The following COX6B1 variants were observed in gnomAD, a reference collection of about 807,000 sequenced individuals.
COX6B1 encodes cytochrome c oxidase subunit 6B1, also known as COX VIb-1.
In COX6B1, 2 loss-of-function variants were observed where a neutral mutation model predicts 14.0. That is an observed-to-expected ratio of 0.14 (90% CI 0.06 to 0.45). COX6B1 has a LOEUF of 0.45. Ranked by LOEUF, COX6B1 falls within the 20% of genes least tolerant of loss-of-function variation. The pLI is 0.98. For missense variants in COX6B1, 81 were observed against 114.2 expected (o/e 0.71, Z 1.33); for synonymous variants, 30 against 39.7 (o/e 0.76, Z 0.92).
intron 1 of COX6B1, among the ~76,000 whole-genome samples, chr19:35,650,995 C>G (rs752195404): frequency 3.3e-5 from 5 of 152,090 alleles, no homozygotes; most frequent in Non-Finnish European, 5.9e-5. Flanking sequence ...AGTGTTAGCT[C>G]ATGTTATTTG....
intron 1 of COX6B1, among the ~76,000 whole-genome samples, chr19:35,650,424 T>C (rs78895616): frequency 0.018 from 2,711 of 152,272 alleles, 69 homozygotes; most frequent in African/African-American, 0.051. Flanking sequence ...CATTTAAACA[T>C]ATTCAGGCCG....
At chr19:35,650,581 G>A (rs1036686044) in intron 1 of COX6B1, among the ~76,000 whole-genome samples, 15 of 152,162 alleles carry the variant, frequency 9.9e-5, no homozygotes, top group Non-Finnish European at 1.5e-4. Context: ...GGTGGCAGGC[G>A]CCTGTAATCT....
At chr19:35,655,014 CTTT>C (rs759249655) in intron 3 of COX6B1, among the ~76,000 whole-genome samples, 1 of 141,014 alleles carries the variant, frequency 7.1e-6, no homozygotes, top group South Asian at 2.3e-4. Context: ...ATTTTTTTTT[CTTT>C]TTTTTTTTCT....
At chr19:35,658,370 G>A (rs1025943850) in intron 3 of COX6B1, among the ~76,000 whole-genome samples, 1 of 151,996 alleles carries the variant, frequency 6.6e-6, no homozygotes, top group Non-Finnish European at 1.5e-5. Context: ...GTGGGCCTGG[G>A]GTTTTCCTGC....
At position 35,658,615 on chromosome 19, in the gene COX6B1, C is replaced by T. The variant is rs754817336; in HGVS notation, c.229C>T (p.Arg77Trp). ...ACAGGTCACAGACTGGGATGAGCAACGGGCTGAAGGCACGTTTCCCGGGAA... is the reference window on the plus strand; with the variant it reads ...ACAGGTCACAGACTGGGATGAGCAATGGGCTGAAGGCACGTTTCCCGGGAA... ...TSWVTDWDEQ[R>W]AEGTFPGKI The change falls in exon 4 of 4, where the codon CGG becomes TGG. Residue 77 changes from arginine (R) to tryptophan (W), a missense_variant. By Grantham distance (101) the Arg-to-Trp change is moderately radical. Transcript: ENST00000649813. 2 of 1,613,870 alleles carry T rather than the reference C, an allele frequency of 1.2e-6. No individual in the cohort carries two copies. The highest frequency in any genetic ancestry group is 1.7e-5 in the Admixed American group (1 of 59,966).
chr19:35,648,873 A>G (rs773236289), intron 1 of COX6B1: 4 of 533,332 alleles, frequency 7.5e-6, no homozygotes, highest in Admixed American at 3.9e-5. Context: ...TCTCCGATGC[A>G]CCCTCATCCT....
intron 2 of COX6B1, 80 bp downstream of exon 2, chr19:35,651,429 C>A (rs1967823732): frequency 1.5e-5 from 16 of 1,032,644 alleles, no homozygotes; most frequent in East Asian, 2.5e-5. Flanking sequence ...CCACCCCAGC[C>A]TCCTCCCTTT....
rs1183248451 is a variant in COX6B1 at position 35,648,560 on chromosome 19, A to G, written c.-12+157A>G. The G allele has an allele frequency of 1.2e-5, 4 of 328,340 alleles. No individual in the cohort carries two copies. In the Admixed American group the frequency reaches 1.7e-4, roughly 14 times the overall value. 20.3% of individuals were successfully genotyped at this position (328,340 alleles called of 1,614,324 possible). On this transcript the variant is annotated intron_variant, in intron 1 of 3. Transcript: ENST00000649813. ...CTGTTCATCGTAAGAGCTAACAATG[A>G]TACGGTTCTTCCTTGATGCCAGGCA...
Position 35,654,555 on chromosome 19 carries a change from A to G in COX6B1, c.107-16A>G, listed in dbSNP as rs187740487. The G allele has an allele frequency of 8.0e-4, 1,285 of 1,611,266 alleles. 3 individuals carry two copies. In the Middle Eastern group the frequency reaches 0.015, roughly 18 times the overall value. Reference sequence around the variant, plus strand: ...CAACTCTTGATCTGGGCTGACTTGAACCCCTTTCTTCACAGACTTCCACCG... The same window carrying G: ...CAACTCTTGATCTGGGCTGACTTGAGCCCCTTTCTTCACAGACTTCCACCG... On this transcript the variant is annotated splice_polypyrimidine_tract_variant and intron_variant, in intron 2 of 3. Coordinates refer to ENST00000649813, the MANE Select transcript of COX6B1 (RefSeq NM_001863.5).
At chr19:35,651,652 G>T (rs1236014052) in intron 2 of COX6B1, among the ~76,000 whole-genome samples, 1 of 151,312 alleles carries the variant, frequency 6.6e-6, no homozygotes, top group Non-Finnish European at 1.5e-5. Flanking sequence ...GCTCACTGCA[G>T]CCTCAACCTC....
chr19:35,654,467 C>G, intron 2 of COX6B1, 104 bp from the exon 3 acceptor site: 1 of 915,628 alleles, frequency 1.1e-6, no homozygotes, highest in South Asian at 1.3e-5. Flanking sequence ...GAGATCGCAC[C>G]ACTGCACTCC....
chr19:35,657,094 A>G (rs73599272), intron 3 of COX6B1, among the ~76,000 whole-genome samples: 13,877 of 151,972 alleles, frequency 0.091, 754 homozygotes, highest in East Asian at 0.13. Flanking sequence ...CCAGCATATT[A>G]CATTTATTGT....
intron 1 of COX6B1, among the ~76,000 whole-genome samples, chr19:35,650,360 T>G (rs984901501): frequency 6.6e-6 from 1 of 152,240 alleles, no homozygotes; most frequent in Non-Finnish European, 1.5e-5. Context: ...TTTGTGATGC[T>G]GTGCAGGTTT....
intron 1 of COX6B1, chr19:35,648,865 T>C (rs767541812): frequency 3.7e-6 from 2 of 533,402 alleles, no homozygotes; most frequent in South Asian, 2.8e-5. Flanking sequence ...CAGCGTCATC[T>C]CCGATGCACC....
chr19:35,657,724 A>G (rs908163756), intron 3 of COX6B1, among the ~76,000 whole-genome samples: 1 of 142,920 alleles, frequency 7.0e-6, no homozygotes, highest in African/African-American at 2.6e-5. Flanking sequence ...TGGTAGCATC[A>G]TAGCTCACTG....
intron 1 of COX6B1, among the ~76,000 whole-genome samples, chr19:35,650,656 C>G (rs1288486369): frequency 6.6e-6 from 1 of 151,458 alleles, no homozygotes; most frequent in Non-Finnish European, 1.5e-5. Flanking sequence ...TGCAGTGAGC[C>G]TAGGTCGTAC....
At chr19:35,648,545 T>C (rs1795412646) in intron 1 of COX6B1, 142 bp downstream of exon 1, 1 of 312,716 alleles carries the variant, frequency 3.2e-6, no homozygotes, top group Non-Finnish European at 6.4e-6. Context: ...CTGTTCATCG[T>C]AAGAGCTAAC....
chr19:35,655,755 G>GTCTCTCTCTCTCTCTCTCTC (rs3038413), intron 3 of COX6B1, among the ~76,000 whole-genome samples: 13 of 146,076 alleles, frequency 8.9e-5, no homozygotes, highest in African/African-American at 2.8e-4. Context: ...CACTGTGCCT[G>GTCTCTCTCTCTCTCTCTCTC]TCTCTCTCTC....
chr19:35,656,627 C>A (rs1319689526), intron 3 of COX6B1, among the ~76,000 whole-genome samples: 1 of 151,958 alleles, frequency 6.6e-6, no homozygotes, highest in Non-Finnish European at 1.5e-5. Context: ...ATTACAGGCG[C>A]CTGCCACCAT....
Sources: gnomAD v4.1 joint callset for allele counts (sites outside exome capture counted in the v4.1 genomes callset) on GRCh38, gnomAD v4.1.1 for gene constraint, MANE v1.5 for transcripts, NCBI Gene and HGNC (gene_info 2026-07-23, HGNC 2026-07-21) for gene names.